KRT14: variants seen among roughly 807,000 people sequenced by gnomAD.
KRT14 encodes the protein keratin, type I cytoskeletal 14.
In KRT14, 30 loss-of-function variants were observed where a neutral mutation model predicts 44.5. The ratio of observed to expected loss-of-function variants is 0.67; its 90% CI spans 0.50 to 0.92. KRT14 has a LOEUF of 0.92. Ranked by LOEUF, KRT14 falls within the 40% of genes least tolerant of loss-of-function variation. The probability of loss-of-function intolerance (pLI) is 0.00; values close to 1 mark genes in which losing one functional copy is unlikely to be tolerated. For synonymous variants in KRT14, 241 were observed against 257.6 expected, an observed-to-expected ratio of 0.94 and a Z score of 0.62; for missense variants, 535 against 640.6, an observed-to-expected ratio of 0.84 and a Z score of 1.78.
Position 41,586,687 on chromosome 17 carries a change from G to A in KRT14, c.148C>T (p.Leu50=), listed in dbSNP as rs1907545061. ...CRAPSTYGGG[L]SVSSSRFSSG... ...GAGAAGCGGGAGGATGAGACAGACAGGCCGCCCCCGTAGGTGCTGGGGGCG... is the reference window on the plus strand; with the variant it reads ...GAGAAGCGGGAGGATGAGACAGACAAGCCGCCCCCGTAGGTGCTGGGGGCG... The change falls in exon 1 of 8, where the codon CTG becomes TTG. Residue 50 remains leucine, a synonymous_variant. Transcript: ENST00000167586. The A allele has an allele frequency of 6.3e-7, 1 of 1,595,348 alleles. No homozygotes were observed. Among genetic ancestry groups the A allele is most frequent in the East Asian group, 2.3e-5 (1 of 43,868 alleles).
At position 41,584,371 on chromosome 17, in the gene KRT14, G is replaced by T; in HGVS notation, c.651C>A (p.Asp217Glu). Residue 217 changes from aspartate to glutamate, a missense_variant, in exon 3 of 8, where the codon GAC becomes GAA. Physicochemically the swap from Asp to Glu is conservative, Grantham distance 45. Coordinates refer to ENST00000167586, the MANE Select transcript of KRT14 (RefSeq NM_000526.5). ...ELNLRMSVEA[D>E]INGLRRVLDE... ...CCAGCACCCTGCGCAGGCCATTGAT[G>T]TCGGCTTCCACACTCATGCGCAGGT... The T allele has an allele frequency of 6.2e-7, 1 of 1,614,066 alleles. No homozygotes were observed. Among genetic ancestry groups the T allele is most frequent in the Non-Finnish European group, 8.5e-7 (1 of 1,180,028 alleles).
rs780850058 is a variant in KRT14 at position 41,586,409 on chromosome 17, G to A, written c.426C>T (p.Asp142=). ...KVRALEEANA[D]LEVKIRDWYQ... Reference sequence around the variant, plus strand: ...ACCAGTCACGGATCTTCACTTCCAGGTCGGCGTTGGCCTCCTCCAGAGCAC... The same window carrying A: ...ACCAGTCACGGATCTTCACTTCCAGATCGGCGTTGGCCTCCTCCAGAGCAC... Residue 142 remains aspartate (D), a synonymous_variant, in exon 1 of 8, where the codon GAC becomes GAT. Coordinates refer to ENST00000167586, the MANE Select transcript of KRT14 (RefSeq NM_000526.5). The A allele has an allele frequency of 3.7e-6, 6 of 1,613,972 alleles. No homozygotes were observed. In the East Asian group the frequency reaches 6.7e-5, roughly 18 times the overall value.
intron 7 of KRT14, 56 bp from the exon 8 acceptor site, chr17:41,582,588 C>G: frequency 7.1e-7 from 1 of 1,418,060 alleles, no homozygotes; most frequent in East Asian, 2.5e-5. Flanking sequence ...ATGGACTAAT[C>G]AGGAGTAAGG....
Position 41,582,532 on chromosome 17 carries a change from A to G in KRT14, c.1322T>C (p.Val441Ala), listed in dbSNP as rs1323731428. ...FSSGSQSSRD[V>A]TSSSRQIRTK... is the part of the protein sequence containing the mutation. ...GCGGATTTGGCGGCTGGAGGAGGTC[A>G]CTGGGGAAGAGGTGGGAAGAGGACG... is the stretch of plus-strand genomic sequence containing the variant. The change falls in exon 8 of 8, where the codon GTG (valine) becomes GCG (alanine). Residue 441 changes from valine (V) to alanine (A), a missense_variant and splice_region_variant. Val to Ala is a moderately conservative substitution (Grantham distance 64). Transcript: ENST00000167586. The G allele has an allele frequency of 6.4e-7, 1 of 1,560,444 alleles. No individual in the cohort carries two copies. Among genetic ancestry groups the G allele is most frequent in the African/African-American group, 1.4e-5 (1 of 73,698 alleles).
At position 41,583,533 on chromosome 17, in the gene KRT14, TC is replaced by T; in HGVS notation, c.1053+17del. 1 of 1,614,200 alleles carries T rather than the reference TC, an allele frequency of 6.2e-7. No individual in the cohort carries two copies. The highest frequency in any genetic ancestry group is 8.5e-7 in the Non-Finnish European group (1 of 1,180,030). ...CTGCCAGTCCTGGGTGCACCACCCT[TC>T]CTGGCACTATTCCTACCATGCTGAG... On this transcript the variant is annotated intron_variant, in intron 5 of 7. Coordinates refer to ENST00000167586, the MANE Select transcript of KRT14 (RefSeq NM_000526.5).
intron 3 of KRT14, 144 bp from the exon 4 acceptor site, chr17:41,584,065 CTCTCTTTT>C: frequency 4.0e-6 from 2 of 496,898 alleles, no homozygotes; most frequent in Non-Finnish European, 6.5e-6. Context: ...CTCTCTCTCT[CTCTCTTTT>C]TTTTTTTTTT....
At chr17:41,585,868 G>T (rs1434878766) in intron 1 of KRT14, among the ~76,000 whole-genome samples, 1 of 152,238 alleles carries the variant, frequency 6.6e-6, no homozygotes, top group Non-Finnish European at 1.5e-5. Context: ...GCCCAGACTA[G>T]TGAGCTAATG....
Position 41,586,601 on chromosome 17 carries a change from G to T in KRT14, c.234C>A (p.Ser78Arg). 3.1e-6 allele frequency: 5 copies of T among 1,611,184 alleles called. No homozygotes were observed. Among genetic ancestry groups the T allele is most frequent in the Non-Finnish European group, 4.2e-6 (5 of 1,178,940 alleles). ...CTCCCCCAAAGCCACTACCAAAGCTGCTGCTGCTGCTGCTGAAGCCACCGC... is the reference window on the plus strand; with the variant it reads ...CTCCCCCAAAGCCACTACCAAAGCTTCTGCTGCTGCTGCTGAAGCCACCGC... ...GYGGGFSSSSSSFGSGFGGGY... is the reference protein window; with the variant it reads ...GYGGGFSSSSRSFGSGFGGGY... The change falls in exon 1 of 8, where the codon AGC becomes AGA. Residue 78 changes from serine to arginine, a missense_variant. Physicochemically the swap from Ser to Arg is moderately radical, Grantham distance 110. Coordinates refer to ENST00000167586, the MANE Select transcript of KRT14 (RefSeq NM_000526.5).
In KRT14 at chr17:41,583,695, C is replaced by T. The variant is rs1334751799; in HGVS notation, c.928-19G>A. 3 of 1,614,258 alleles carry T rather than the reference C, an allele frequency of 1.9e-6. No individual in the cohort carries two copies. The highest frequency in any genetic ancestry group is 2.5e-6 in the Non-Finnish European group (3 of 1,180,048). On this transcript the variant is annotated intron_variant, in intron 4 of 7. Coordinates refer to ENST00000167586, the MANE Select transcript of KRT14 (RefSeq NM_000526.5). ...CCTCTGTCTGCAAAAAAGAGAATGC[C>T]ATTCACACCAGAAGGCCCCAGAAGG...
At chr17:41,583,036 C>A (rs1477622347) in intron 7 of KRT14, 58 bp downstream of exon 7, 4 of 1,541,030 alleles carry the variant, frequency 2.6e-6, no homozygotes, top group Non-Finnish European at 2.7e-6. Flanking sequence ...ATGCCTAGAC[C>A]TGCTTGGGGT....
At position 41,583,110 on chromosome 17, in the gene KRT14, C is replaced by T. The variant is rs373307934; in HGVS notation, c.1305G>A (p.Ser435=). 1.3e-5 allele frequency: 21 copies of T among 1,612,476 alleles called. No individual in the cohort carries two copies. Among genetic ancestry groups the T allele is most frequent in the East Asian group, 8.9e-5 (4 of 44,828 alleles). Residue 435 remains serine (S), a synonymous_variant, in exon 7 of 8, where the codon TCG becomes TCA. Coordinates refer to ENST00000167586, the MANE Select transcript of KRT14 (RefSeq NM_000526.5). Reference sequence around the variant, plus strand: ...GGGTCTTACCATCTCTGGATGACTGCGATCCAGAGGAGAACTGGGAGGAGG... The same window carrying T: ...GGGTCTTACCATCTCTGGATGACTGTGATCCAGAGGAGAACTGGGAGGAGG... The part of the protein sequence containing the change: ...HLSSSQFSSG[S]QSSRDVTSSS...
At chr17:41,586,167 T>G (rs1402440100) in intron 1 of KRT14, 143 bp downstream of exon 1, 3 of 1,029,016 alleles carry the variant, frequency 2.9e-6, no homozygotes, top group Non-Finnish European at 4.5e-6. Flanking sequence ...CTGATCAGTC[T>G]TAGGGCATCC....
chr17:41,583,241 T>C lies in KRT14; in HGVS notation c.1268A>G (p.Asp423Gly). 1.2e-6 allele frequency: 2 copies of C among 1,613,386 alleles called. No individual in the cohort carries two copies. The highest frequency in any genetic ancestry group is 1.7e-6 in the Non-Finnish European group (2 of 1,179,958). Residue 423 changes from aspartate to glycine, a missense_variant, in exon 6 of 8, where the codon GAC becomes GGC. Physicochemically the swap from Asp to Gly is moderately conservative, Grantham distance 94. Coordinates refer to ENST00000167586, the MANE Select transcript of KRT14 (RefSeq NM_000526.5). The stretch of plus-strand genomic sequence containing the variant: ...GGGGAGGGCCAAGACTCACTGGGCG[T>C]CCTCGCCCTCCAGCAGGCGGCGGTA... The part of the protein sequence containing the change: ...ATYRRLLEGE[D>G]AHLSSSQFSS...
At chr17:41,585,464 T>C (rs1005442129) in intron 1 of KRT14, among the ~76,000 whole-genome samples, 1 of 152,176 alleles carries the variant, frequency 6.6e-6, no homozygotes, top group African/African-American at 2.4e-5. Context: ...TCTGCAGATA[T>C]GCACATTCCT....
rs1907518801 is a variant in KRT14 at position 41,586,242 on chromosome 17, G to T, written c.525+68C>A. ...ATAGAGAAATCTTAAGGTCTCAGGG[G>T]CCTGGGGCATGAATTGTTCCCAGAA... On this transcript the variant is annotated intron_variant, in intron 1 of 7. Coordinates refer to ENST00000167586, the MANE Select transcript of KRT14 (RefSeq NM_000526.5). 5 of 1,593,786 alleles carry T rather than the reference G, an allele frequency of 3.1e-6. No individual in the cohort carries two copies. In the South Asian group the frequency reaches 4.4e-5, roughly 14 times the overall value.
chr17:41,584,447 C>A (rs1907458992), intron 2 of KRT14, 34 bp from the exon 3 acceptor site: 1 of 1,611,702 alleles, frequency 6.2e-7, no homozygotes, highest in African/African-American at 1.3e-5. Flanking sequence ...TATGAGACAC[C>A]CATCCTGATC....
chr17:41,583,891 C>T lies in KRT14; in HGVS notation c.796G>A (p.Gly266Arg). ...EMNALRGQVG[G>R]DVNVEMDAAP... ...GCGTCCATCTCCACATTGACATCTC[C>T]ACCCACCTGGCCTCTCAGGGCATTC... Residue 266 changes from glycine (G) to arginine (R), a missense_variant, in exon 4 of 8, where the codon GGA becomes AGA. Gly to Arg is a moderately radical substitution (Grantham distance 125). Transcript: ENST00000167586. 1 of 1,613,980 alleles carries T rather than the reference C, an allele frequency of 6.2e-7. No individual in the cohort carries two copies. The highest frequency in any genetic ancestry group is 1.1e-5 in the South Asian group (1 of 91,076).
intron 1 of KRT14, among the ~76,000 whole-genome samples, chr17:41,585,690 T>C (rs889428778): frequency 9.9e-5 from 15 of 152,144 alleles, no homozygotes; most frequent in Admixed American, 9.8e-4. Flanking sequence ...TCCCAAGTAA[T>C]GTGGGAGCAG....
chr17:41,584,943 C>T lies in KRT14; in HGVS notation c.608+32G>A, dbSNP rs1281992518. ...CCAAAAATGCCCTACTCTGGGGACA[C>T]TGGATGTTCTGGCCCACCATTTCAA... On this transcript the variant is annotated intron_variant, in intron 2 of 7. Coordinates refer to ENST00000167586, the MANE Select transcript of KRT14 (RefSeq NM_000526.5). The T allele has an allele frequency of 5.7e-6, 9 of 1,565,684 alleles. No homozygotes were observed. The African/African-American group carries it at 1.2e-4, about 21-fold the overall frequency.
Sources: allele counts gnomAD v4.1 joint callset (sites outside exome capture counted in the v4.1 genomes callset), GRCh38; gene constraint gnomAD v4.1.1; transcripts MANE v1.5; gene names NCBI Gene and HGNC (gene_info 2026-07-23, HGNC 2026-07-21).